The following RHOF variants were observed in gnomAD, a reference collection of about 807,000 sequenced individuals.
RHOF encodes the protein rho-related GTP-binding protein RhoF.
In RHOF, 21 loss-of-function variants were observed where a neutral mutation model predicts 22.2. The ratio of observed to expected loss-of-function variants is 0.95; its 90% CI spans 0.67 to 1.36. The LOEUF (loss-of-function observed/expected upper bound fraction) is 1.36. Among genes scored for constraint, RHOF ranks in the 40% most tolerant of loss-of-function variants. RHOF has a pLI of 0.00. For synonymous variants in RHOF, 135 were observed against 131.2 expected (o/e 1.03, Z -0.20); for missense variants, 285 against 293.7 (o/e 0.97, Z 0.22).
chr12:121,785,433 T>C (rs1874583002), intron 2 of RHOF, among the ~76,000 whole-genome samples: 1 of 146,696 alleles, frequency 6.8e-6, no homozygotes, highest in Non-Finnish European at 1.5e-5. Context: ...TTTTTTTTTT[T>C]TTTTTTTTTT....
rs772628954 is a variant in RHOF at position 121,781,020 on chromosome 12, A to C, written c.337-14T>G. 1 of 1,613,140 alleles carries C rather than the reference A, an allele frequency of 6.2e-7. No homozygotes were observed. The highest frequency in any genetic ancestry group is 2.2e-5 in the East Asian group (1 of 44,864). On this transcript the variant is annotated splice_polypyrimidine_tract_variant and intron_variant, in intron 3 of 4. Transcript: ENST00000267205. ...CTCAGGGAACCACTGTGGAGGGAGG[A>C]GGCGGGATCAGGGGTGCGGCCGGGC...
chr12:121,781,508 T>G, intron 2 of RHOF: 1 of 318,612 alleles, frequency 3.1e-6, no homozygotes, highest in Non-Finnish European at 6.0e-6. Flanking sequence ...CCCCCAGTCC[T>G]GGATGGTGGT....
chr12:121,790,288 G>C (rs931827570), intron 2 of RHOF, among the ~76,000 whole-genome samples: 1 of 152,256 alleles, frequency 6.6e-6, no homozygotes, highest in African/African-American at 2.4e-5. Context: ...CACCAGTCGG[G>C]AAGATGCCCC....
chr12:121,785,421 A>ATT (rs1874581565), intron 2 of RHOF, among the ~76,000 whole-genome samples: 1 of 78,550 alleles, frequency 1.3e-5, no homozygotes, highest in Non-Finnish European at 2.6e-5. Context: ...TTTTTTCTTT[A>ATT]CTTTTTTTTT....
At chr12:121,790,767 C>T (rs975910410) in intron 2 of RHOF, among the ~76,000 whole-genome samples, 7 of 152,320 alleles carry the variant, frequency 4.6e-5, no homozygotes, top group Non-Finnish European at 7.4e-5. Flanking sequence ...TAGATCTCCC[C>T]GCTGCAGCAG....
At chr12:121,781,487 T>G in intron 2 of RHOF, 1 of 345,414 alleles carries the variant, frequency 2.9e-6, no homozygotes, top group South Asian at 2.8e-5. Context: ...ACAAAACCCA[T>G]GAGCGGCAGC....
intron 2 of RHOF, among the ~76,000 whole-genome samples, chr12:121,788,382 C>T (rs1217821896): frequency 4.6e-5 from 7 of 152,158 alleles, no homozygotes; most frequent in South Asian, 2.1e-4. Context: ...CAGCCAGCTC[C>T]GACTCCAGCA....
At chr12:121,793,329 C>A in intron 1 of RHOF, 90 bp from the exon 2 acceptor site, 1 of 1,445,324 alleles carries the variant, frequency 6.9e-7, no homozygotes, top group Non-Finnish European at 9.5e-7. Context: ...CTCACTCGTC[C>A]CGGATCAGCC....
chr12:121,783,991 G>C (rs1195849741), intron 2 of RHOF, among the ~76,000 whole-genome samples: 12 of 152,136 alleles, frequency 7.9e-5, no homozygotes, highest in African/African-American at 2.9e-4. Flanking sequence ...CTGCAGTCCC[G>C]CCAAGGCACC....
At chr12:121,780,847 C>G (rs778748619) in intron 4 of RHOF, 25 bp downstream of exon 4, 1 of 1,605,934 alleles carries the variant, frequency 6.2e-7, no homozygotes, top group Admixed American at 1.7e-5. Flanking sequence ...CACGGCTGTG[C>G]CCCAGGGTCT....
chr12:121,782,201 C>CCTAT (rs1257659498), intron 2 of RHOF: 4 of 151,850 alleles, frequency 2.6e-5, no homozygotes, highest in African/African-American at 9.7e-5. Context: ...TAGCTCAGCG[C>CCTAT]CTATCTGCTG....
intron 2 of RHOF, among the ~76,000 whole-genome samples, chr12:121,787,677 G>A (rs911904313): frequency 2.2e-4 from 33 of 152,162 alleles, no homozygotes; most frequent in African/African-American, 7.7e-4. Context: ...TGAGGCGGGC[G>A]GATCGCTTGA....
intron 2 of RHOF, among the ~76,000 whole-genome samples, chr12:121,787,629 C>T (rs1301693718): frequency 1.4e-5 from 2 of 147,466 alleles, no homozygotes; most frequent in Non-Finnish European, 3.0e-5. Context: ...AGACCGGGCG[C>T]TGTGGCGCAT....
chr12:121,791,476 A>G (rs1400234231), intron 2 of RHOF, among the ~76,000 whole-genome samples: 1 of 152,166 alleles, frequency 6.6e-6, no homozygotes. Context: ...TCTGACTCCA[A>G]AGAGGATGGC....
chr12:121,779,490 G>C lies in RHOF; in HGVS notation c.*8C>G. ...GTCAGTGCTGTCGTGAGGTCTGTCT[G>C]CCCTGGGTCAGAGCAGCAGGCAGAG... On this transcript the variant is annotated 3_prime_UTR_variant, in exon 5 of 5. Coordinates refer to ENST00000267205, the MANE Select transcript of RHOF (RefSeq NM_019034.3). 5.0e-6 allele frequency: 8 copies of C among 1,610,574 alleles called. No individual in the cohort carries two copies. The South Asian group carries it at 7.7e-5, about 15-fold the overall frequency.
intron 2 of RHOF, among the ~76,000 whole-genome samples, chr12:121,788,252 T>C (rs898122782): frequency 2.0e-5 from 3 of 152,162 alleles, no homozygotes; most frequent in Non-Finnish European, 2.9e-5. Flanking sequence ...CTGGAGTATT[T>C]TTTTTTCTTA....
In RHOF at chr12:121,780,950, G is replaced by A. The variant is rs1411775281; in HGVS notation, c.393C>T (p.Cys131=). The change falls in exon 4 of 5, where the codon TGC becomes TGT. Residue 131 remains cysteine (C), a synonymous_variant. Coordinates refer to ENST00000267205, the MANE Select transcript of RHOF (RefSeq NM_019034.3). Reference sequence around the variant, plus strand: ...CCTTGTCCTTCCTCAGGTCTGTCTTGCAGCCGATGAGCACCATGGGGATCC... The same window carrying A: ...CCTTGTCCTTCCTCAGGTCTGTCTTACAGCCGATGAGCACCATGGGGATCC... The part of the protein sequence containing the change: ...CRGIPMVLIG[C]KTDLRKDKEQ... The A allele has an allele frequency of 1.9e-6, 3 of 1,613,992 alleles. No homozygotes were observed. The highest frequency in any genetic ancestry group is 1.7e-5 in the Admixed American group (1 of 60,018).
Position 121,778,751 on chromosome 12 carries a change from T to C in RHOF, c.*747A>G, listed in dbSNP as rs1874332737. On this transcript the variant is annotated 3_prime_UTR_variant, in exon 5 of 5. Transcript: ENST00000267205. ...GGGGAACAGTCCACAGAAAACTTGC[T>C]CATGACCACACTGGGAGCCGACTGT... is the stretch of plus-strand genomic sequence containing the variant. 1 of 152,260 alleles carries C rather than the reference T, an allele frequency of 6.6e-6. No individual in the cohort carries two copies. The highest frequency in any genetic ancestry group is 1.5e-5 in the Non-Finnish European group (1 of 68,112). 9.4% of individuals were successfully genotyped at this position (152,260 alleles called of 1,614,324 possible). A position where few individuals can be genotyped will look rare whatever the true frequency, so the allele number is the denominator to read the frequency against.
Position 121,780,638 on chromosome 12 carries a change from C to T in RHOF, c.471+234G>A. 5 of 580,786 alleles carry T rather than the reference C, an allele frequency of 8.6e-6. No homozygotes were observed. The South Asian group carries it at 1.2e-4, about 13-fold the overall frequency. The allele number at this position is 580,786 out of a possible 1,614,324, so 36.0% of individuals were successfully genotyped here. On this transcript the variant is annotated intron_variant, in intron 4 of 4. Coordinates refer to ENST00000267205, the MANE Select transcript of RHOF (RefSeq NM_019034.3). ...TAACCTCTCTGGGCCTCAGTTTCTC[C>T]CCCTGTAAACTGGGGGATGTGAACA... is the stretch of plus-strand genomic sequence containing the variant.
Sources: gnomAD v4.1 joint callset for allele counts (sites outside exome capture counted in the v4.1 genomes callset) on GRCh38, gnomAD v4.1.1 for gene constraint, MANE v1.5 for transcripts, NCBI Gene and HGNC (gene_info 2026-07-23, HGNC 2026-07-21) for gene names.